Variants in COL5A2 observed in about 807,000 individuals in gnomAD.
COL5A2 encodes collagen type V alpha 2 chain, also known as collagen alpha-2(V) chain.
Under a neutral mutation model 208.2 loss-of-function variants are expected in COL5A2, and 23 were observed. That is an observed-to-expected ratio of 0.11 (90% CI 0.08 to 0.16). The LOEUF is 0.16. Among genes scored for constraint, COL5A2 ranks in the 10% least tolerant of loss-of-function variants. The pLI, the probability that COL5A2 is intolerant of heterozygous loss-of-function variation, is 1.00. For missense variants in COL5A2, 1,590 were observed against 1,956.4 expected (o/e 0.81, Z 3.53); for synonymous variants, 625 against 628.5 (o/e 0.99, Z 0.08).
intron 3 of COL5A2, among the ~76,000 whole-genome samples, chr2:189,103,601 C>A (rs1687090413): frequency 6.6e-6 from 1 of 152,036 alleles, no homozygotes; most frequent in Admixed American, 6.6e-5. Context: ...ACTATCTTCG[C>A]TTCGTAGGAT....
chr2:189,396,439 T>C, the COL5A2 span, among the ~76,000 whole-genome samples: 4,275 of 143,948 alleles, frequency 0.03, 194 homozygotes, highest in African/African-American at 0.1. Context: ...TTTGGGAGGC[T>C]GAGGCGGGTG....
chr2:189,117,300 A>G (rs1007824427), intron 1 of COL5A2, among the ~76,000 whole-genome samples: 3 of 152,212 alleles, frequency 2.0e-5, no homozygotes, highest in African/African-American at 4.8e-5. Flanking sequence ...AAATAGCTGC[A>G]AAACAGCACA....
the COL5A2 span, among the ~76,000 whole-genome samples, chr2:189,439,725 C>T: frequency 6.6e-5 from 10 of 152,116 alleles, no homozygotes; most frequent in African/African-American, 2.4e-5. Context: ...TAAAATAATC[C>T]TCCTATACAT....
At chr2:189,250,617 G>C in the COL5A2 span, among the ~76,000 whole-genome samples, 1 of 151,784 alleles carries the variant, frequency 6.6e-6, no homozygotes, top group Admixed American at 6.6e-5. Context: ...TCCTTCATTG[G>C]GGATAAGTAT....
At chr2:189,342,453 C>T in the COL5A2 span, among the ~76,000 whole-genome samples, 7 of 110,772 alleles carry the variant, frequency 6.3e-5, no homozygotes, top group Non-Finnish European at 1.1e-4. Flanking sequence ...TATAGATATG[C>T]TTATATATTT....
the COL5A2 span, among the ~76,000 whole-genome samples, chr2:189,387,678 G>A: frequency 1.3e-5 from 2 of 152,130 alleles, no homozygotes; most frequent in African/African-American, 2.4e-5. Flanking sequence ...AGTTGCAACA[G>A]GTTAAGATGT....
chr2:189,034,802 T>G, intron 53 of COL5A2, 114 bp downstream of exon 53: 1 of 1,191,832 alleles, frequency 8.4e-7, no homozygotes, highest in South Asian at 1.3e-5. Context: ...AACAAACTGC[T>G]ATTATGCTCA....
chr2:189,156,883 A>G (rs1688258342), intron 1 of COL5A2, among the ~76,000 whole-genome samples: 1 of 152,150 alleles, frequency 6.6e-6, no homozygotes, highest in African/African-American at 2.4e-5. Context: ...ATTTGCAATA[A>G]AATAGTGGAA....
chr2:189,417,714 T>C, the COL5A2 span, among the ~76,000 whole-genome samples: 4,924 of 152,176 alleles, frequency 0.032, 274 homozygotes, highest in African/African-American at 0.11. Context: ...TTGTCTGGCT[T>C]ATTTCATTTA....
chr2:189,058,402 A>G (rs1685947815), intron 33 of COL5A2, 27 bp downstream of exon 33: 3 of 1,570,824 alleles, frequency 1.9e-6, no homozygotes, highest in Admixed American at 1.7e-5. Flanking sequence ...AAGCATTTTA[A>G]AACACTGAGA....
the COL5A2 span, among the ~76,000 whole-genome samples, chr2:189,428,618 A>G: frequency 1.1e-3 from 168 of 150,200 alleles, no homozygotes; most frequent in African/African-American, 3.7e-3. Flanking sequence ...ACTCCGTCTG[A>G]AAAAAAAAAT....
chr2:189,138,881 C>T (rs1358583718), intron 1 of COL5A2, among the ~76,000 whole-genome samples: 2 of 152,052 alleles, frequency 1.3e-5, no homozygotes, highest in African/African-American at 4.8e-5. Context: ...TGAGTCCATA[C>T]CGATGTAAAT....
At chr2:189,356,156 G>A in the COL5A2 span, among the ~76,000 whole-genome samples, 3 of 152,132 alleles carry the variant, frequency 2.0e-5, no homozygotes, top group African/African-American at 7.2e-5. Flanking sequence ...TAGTCTGATG[G>A]GGTTTCCTTT....
Position 189,052,752 on chromosome 2 carries a change from C to A in COL5A2, c.2712G>T (p.Pro904=). 1 of 1,614,032 alleles carries A rather than the reference C, an allele frequency of 6.2e-7. No homozygotes were observed. Among genetic ancestry groups the A allele is most frequent in the South Asian group, 1.1e-5 (1 of 91,068 alleles). ...GLKGGRGTQG[P]PGATGFPGSA... ...GCAGAGCATCAAATAAACTTACAGG[C>A]GGACCTTGGGTTCCTCGACCACCTT... The change falls in exon 40 of 54, where the codon CCG becomes CCT. Residue 904 remains proline (P), a synonymous_variant. Coordinates refer to ENST00000374866, the MANE Select transcript of COL5A2 (RefSeq NM_000393.5).
the COL5A2 span, among the ~76,000 whole-genome samples, chr2:189,433,740 T>C: frequency 1.3e-5 from 2 of 152,174 alleles, no homozygotes; most frequent in Admixed American, 6.5e-5. Context: ...CACAGTCGAA[T>C]TCTACCAGAG....
At chr2:189,036,505 A>C in intron 52 of COL5A2, 111 bp downstream of exon 52, 1 of 839,064 alleles carries the variant, frequency 1.2e-6, no homozygotes, top group Admixed American at 2.4e-5. Context: ...CAAAATAAAC[A>C]TGGTAAAATA....
the COL5A2 span, among the ~76,000 whole-genome samples, chr2:189,242,534 A>G: frequency 6.6e-6 from 1 of 152,166 alleles, no homozygotes; most frequent in Admixed American, 6.5e-5. Context: ...CACCCAAGTC[A>G]TGACTCTCTA....
the COL5A2 span, among the ~76,000 whole-genome samples, chr2:189,248,680 C>T: frequency 1.3e-5 from 2 of 151,982 alleles, no homozygotes; most frequent in Non-Finnish European, 2.9e-5. Context: ...TGATTTTATC[C>T]TTTTTTCCCT....
chr2:189,143,448 T>C (rs1275160206), intron 1 of COL5A2, among the ~76,000 whole-genome samples: 1 of 152,196 alleles, frequency 6.6e-6, no homozygotes, highest in Non-Finnish European at 1.5e-5. Context: ...ACCCTGTAAC[T>C]GAGGTCAATA....
Sources: allele counts gnomAD v4.1 joint callset (sites outside exome capture counted in the v4.1 genomes callset), GRCh38; gene constraint gnomAD v4.1.1; transcripts MANE v1.5; gene names NCBI Gene and HGNC (gene_info 2026-07-23, HGNC 2026-07-21).